The following QTMAN variants were observed in gnomAD, a reference collection of about 807,000 sequenced individuals.
QTMAN encodes queuosine-tRNA mannosyltransferase.
At chr2:144,114,389 A>T in the QTMAN span, among the ~76,000 whole-genome samples, 1 of 152,188 alleles carries the variant, frequency 6.6e-6, no homozygotes, top group Admixed American at 6.5e-5. Flanking sequence ...TGTCACATAC[A>T]TGCTGGCTCC....
chr2:144,213,171 T>C, the QTMAN span, among the ~76,000 whole-genome samples: 1 of 152,192 alleles, frequency 6.6e-6, no homozygotes, highest in Admixed American at 6.5e-5. Context: ...ACCAACGCTA[T>C]GAATATTTTT....
chr2:144,110,188 A>G, the QTMAN span, among the ~76,000 whole-genome samples: 1 of 152,360 alleles, frequency 6.6e-6, no homozygotes, highest in Non-Finnish European at 1.5e-5. Flanking sequence ...TGGCACATAT[A>G]TACCATGGAA....
the QTMAN span, among the ~76,000 whole-genome samples, chr2:144,026,738 G>A: frequency 1.3e-5 from 2 of 152,038 alleles, no homozygotes; most frequent in Non-Finnish European, 2.9e-5. Flanking sequence ...CTGGGTTGTG[G>A]GGAGGATTAA....
the QTMAN span, among the ~76,000 whole-genome samples, chr2:144,040,041 T>C: frequency 1.3e-5 from 2 of 152,216 alleles, no homozygotes; most frequent in African/African-American, 4.8e-5. Context: ...CAGTTTTTAA[T>C]AGCAAAGGGT....
chr2:144,128,037 C>T, the QTMAN span: 3 of 152,030 alleles, frequency 2.0e-5, no homozygotes, highest in Admixed American at 2.0e-4. Context: ...AGTGTTGCTA[C>T]AGCCACCCTG....
the QTMAN span, among the ~76,000 whole-genome samples, chr2:144,090,866 G>A: frequency 2.6e-5 from 4 of 151,688 alleles, no homozygotes; most frequent in Admixed American, 6.6e-5. Flanking sequence ...AATTCAGCTG[G>A]AAATGCAAAG....
the QTMAN span, among the ~76,000 whole-genome samples, chr2:143,959,630 T>C: frequency 1.3e-5 from 2 of 152,258 alleles, no homozygotes; most frequent in Non-Finnish European, 2.9e-5. Context: ...CAGTGATAAT[T>C]ATCGTACAGC....
chr2:144,114,685 T>TACAAAACAAA, the QTMAN span, among the ~76,000 whole-genome samples: 5,080 of 149,656 alleles, frequency 0.034, 132 homozygotes, highest in East Asian at 0.11. Context: ...GTGCCCACAC[T>TACAAAACAAA]ACAAAACAAA....
the QTMAN span, among the ~76,000 whole-genome samples, chr2:144,213,148 A>G: frequency 0.027 from 4,108 of 152,286 alleles, 177 homozygotes; most frequent in African/African-American, 0.094. Context: ...ACAGAGAACA[A>G]AAGTAGCCTG....
the QTMAN span, among the ~76,000 whole-genome samples, chr2:144,098,512 C>T: frequency 6.6e-6 from 1 of 151,974 alleles, no homozygotes; most frequent in African/African-American, 2.4e-5. Context: ...CTCAGAAATT[C>T]GAGACCAGCC....
the QTMAN span, among the ~76,000 whole-genome samples, chr2:144,016,011 T>G: frequency 6.6e-6 from 1 of 152,202 alleles, no homozygotes; most frequent in Non-Finnish European, 1.5e-5. Flanking sequence ...TGCCATTCCT[T>G]GCTCCCCTAC....
the QTMAN span, among the ~76,000 whole-genome samples, chr2:143,965,162 T>A: frequency 9.9e-5 from 15 of 152,212 alleles, no homozygotes; most frequent in East Asian, 2.7e-3. Flanking sequence ...GGCTTTTTGG[T>A]TCATTTGTAA....
the QTMAN span, among the ~76,000 whole-genome samples, chr2:144,183,485 T>C: frequency 6.6e-5 from 10 of 152,168 alleles, no homozygotes; most frequent in African/African-American, 2.2e-4. Flanking sequence ...AAATACAAGC[T>C]TTCTTTTACA....
the QTMAN span, among the ~76,000 whole-genome samples, chr2:144,085,655 C>T: frequency 8.5e-5 from 13 of 152,136 alleles, no homozygotes; most frequent in Admixed American, 3.9e-4. Flanking sequence ...TCATCCAATA[C>T]ACCCAAGAGA....
chr2:144,137,189 C>A, the QTMAN span, among the ~76,000 whole-genome samples: 1 of 152,002 alleles, frequency 6.6e-6, no homozygotes, highest in African/African-American at 2.4e-5. Flanking sequence ...ATAACTTCTG[C>A]CAAAAGTGGA....
chr2:144,128,837 G>C, the QTMAN span, among the ~76,000 whole-genome samples: 1 of 151,920 alleles, frequency 6.6e-6, no homozygotes, highest in Non-Finnish European at 1.5e-5. Context: ...GTCTACAGTG[G>C]AAATGTAGTT....
At chr2:144,159,160 C>T in the QTMAN span, among the ~76,000 whole-genome samples, 4 of 151,998 alleles carry the variant, frequency 2.6e-5, no homozygotes, top group East Asian at 5.8e-4. Context: ...ACAGGTGAGA[C>T]ATCTTTCTAG....
chr2:144,304,036 G>A, the QTMAN span, among the ~76,000 whole-genome samples: 3 of 152,200 alleles, frequency 2.0e-5, no homozygotes, highest in African/African-American at 7.2e-5. Context: ...AGGGTTCCAT[G>A]TGTACTCTTC....
At chr2:144,274,982 T>C in the QTMAN span, among the ~76,000 whole-genome samples, 2 of 152,196 alleles carry the variant, frequency 1.3e-5, no homozygotes, top group Non-Finnish European at 2.9e-5. Context: ...TTGAATTTAA[T>C]TATAGGACAC....
Sources: allele counts gnomAD v4.1 joint callset (sites outside exome capture counted in the v4.1 genomes callset), GRCh38; gene constraint gnomAD v4.1.1; transcripts MANE v1.5; gene names NCBI Gene and HGNC (gene_info 2026-07-23, HGNC 2026-07-21).